The following FER1L6 variants were observed in gnomAD, a reference collection of about 807,000 sequenced individuals.
FER1L6 encodes fer-1 like family member 6.
A neutral mutation model predicts 219.2 loss-of-function variants in FER1L6; 177 were observed. The ratio of observed to expected loss-of-function variants is 0.81; its 90% CI spans 0.71 to 0.91. The LOEUF (loss-of-function observed/expected upper bound fraction) is 0.91. Ranked by LOEUF, FER1L6 falls within the 40% of genes least tolerant of loss-of-function variation. The pLI is 0.00. For missense variants in FER1L6, 2,153 were observed against 2,259.9 expected (o/e 0.95, Z 0.96); for synonymous variants, 768 against 824.3 (o/e 0.93, Z 1.17).
intron 1 of FER1L6, among the ~76,000 whole-genome samples, chr8:123,903,432 G>A (rs901419153): frequency 6.6e-6 from 1 of 152,172 alleles, no homozygotes; most frequent in Non-Finnish European, 1.5e-5. Context: ...AGGTTCACTT[G>A]ATGAATCTGA....
At chr8:123,927,898 G>C (rs1482367363) in intron 1 of FER1L6, among the ~76,000 whole-genome samples, 2 of 152,074 alleles carry the variant, frequency 1.3e-5, no homozygotes, top group Non-Finnish European at 2.9e-5. Context: ...TTATTGTCTG[G>C]CGATTTCTTT....
intron 1 of FER1L6, among the ~76,000 whole-genome samples, chr8:123,899,319 A>G (rs1812818282): frequency 6.6e-6 from 1 of 151,950 alleles, no homozygotes; most frequent in Non-Finnish European, 1.5e-5. Flanking sequence ...AGAATTGTCT[A>G]TTCATGCCCT....
At chr8:124,080,253 C>G (rs769497710) in intron 32 of FER1L6, among the ~76,000 whole-genome samples, 36 of 152,204 alleles carry the variant, frequency 2.4e-4, no homozygotes, top group Non-Finnish European at 4.0e-4. Context: ...ACCTCATTGA[C>G]ACAAGTTGGT....
At chr8:124,063,155 TTTTC>T (rs1404494364) in intron 25 of FER1L6, among the ~76,000 whole-genome samples, 1 of 152,222 alleles carries the variant, frequency 6.6e-6, no homozygotes, top group Admixed American at 6.5e-5. Flanking sequence ...TGTGCTTTAA[TTTTC>T]TTTTTGATTC....
rs71289634 is a variant in FER1L6 at position 124,015,607 on chromosome 8, A to ATATATATATATATATATATATG, written c.1923-2012_1923-2011insATATATATATATGTATATATAT. Among the ~76,000 whole-genome samples the ATATATATATATATATATATATG allele has an allele frequency of 1.4e-4, 12 of 88,606 alleles. 1 individual carries two copies. Among genetic ancestry groups the ATATATATATATATATATATATG allele is most frequent in the South Asian group, 7.4e-4 (2 of 2,706 alleles). 58.1% of individuals were successfully genotyped at this position (88,606 alleles called of 152,430 possible). A position where few individuals can be genotyped will look rare whatever the true frequency, so the allele number is the denominator to read the frequency against. On this transcript the variant is annotated intron_variant, in intron 15 of 40. Coordinates refer to ENST00000522917, the MANE Select transcript of FER1L6 (RefSeq NM_001039112.2). ...TATATATATATATATATATATATAT[A>ATATATATATATATATATATATG]TATATATATTACTCCTGCTGTGAGC... is the stretch of plus-strand genomic sequence containing the variant.
chr8:124,060,481 A>G (rs1488273228), intron 23 of FER1L6, 67 bp from the exon 24 acceptor site: 24 of 1,588,624 alleles, frequency 1.5e-5, no homozygotes, highest in Non-Finnish European at 2.0e-5. Flanking sequence ...TTTTCCACAC[A>G]GAGCCAGGGC....
chr8:124,079,957 G>A (rs1009941614), intron 32 of FER1L6, among the ~76,000 whole-genome samples: 4 of 152,262 alleles, frequency 2.6e-5, no homozygotes, highest in South Asian at 2.1e-4. Context: ...CCATAACTCT[G>A]TTGGAGCTCC....
chr8:124,005,606 G>A (rs1817622506), intron 13 of FER1L6, among the ~76,000 whole-genome samples: 1 of 152,206 alleles, frequency 6.6e-6, no homozygotes, highest in South Asian at 2.1e-4. Flanking sequence ...GTTAAACTGG[G>A]AGCATGTTGA....
rs141651371 is a variant in FER1L6, at chr8:123,896,423, G to A, written c.-8+44238G>A. ...GAACACATGGAATTTATTTCCTTAC[G>A]GTATTTGCATGTGTAACTCACAAGA... is the stretch of plus-strand genomic sequence containing the variant. On this transcript the variant is annotated intron_variant, in intron 1 of 40. Transcript: ENST00000522917. Among the ~76,000 whole-genome samples the A allele has an allele frequency of 4.6e-5, 7 of 152,262 alleles. No individual in the cohort carries two copies. In the East Asian group the frequency reaches 5.8e-4, roughly 13 times the overall value.
chr8:124,110,889 C>G (rs921394356), intron 39 of FER1L6, among the ~76,000 whole-genome samples: 5 of 152,044 alleles, frequency 3.3e-5, no homozygotes, highest in African/African-American at 1.2e-4. Flanking sequence ...CAGTGCCCCC[C>G]CTCCCCTCCA....
Position 124,103,243 on chromosome 8 carries a change from G to C in FER1L6, c.5223G>C (p.Lys1741Asn). Residue 1741 changes from lysine to asparagine, a missense_variant, in exon 39 of 41, where the codon AAG becomes AAC. Transcript: ENST00000522917. ...TTGAAAATGCAAGTGAGGAGACCAA[G>C]ATCTCTATATTCCAGCAAAAACGTG... is the stretch of plus-strand genomic sequence containing the variant. Reference protein sequence around the residue: ...AKFENASEETKISIFQQKRVR... With the variant: ...AKFENASEETNISIFQQKRVR... 6.2e-7 allele frequency: 1 copy of C among 1,614,140 alleles called. No individual in the cohort carries two copies. The highest frequency in any genetic ancestry group is 8.5e-7 in the Non-Finnish European group (1 of 1,180,018).
intron 1 of FER1L6, among the ~76,000 whole-genome samples, chr8:123,866,048 G>C (rs191436987): frequency 6.6e-6 from 1 of 151,758 alleles, no homozygotes; most frequent in East Asian, 1.9e-4. Flanking sequence ...TGGACATTTG[G>C]GTTGGTTCCA....
chr8:123,919,163 G>A (rs866514801), intron 1 of FER1L6, among the ~76,000 whole-genome samples: 1 of 152,332 alleles, frequency 6.6e-6, no homozygotes, highest in Middle Eastern at 3.4e-3. Flanking sequence ...GCAGTGGAGA[G>A]GCTGGAGGCC....
chr8:123,871,213 G>A (rs1816919192), intron 1 of FER1L6, among the ~76,000 whole-genome samples: 1 of 152,150 alleles, frequency 6.6e-6, no homozygotes. Context: ...ATTTGTGTAT[G>A]TATTCATAGG....
At chr8:124,058,572 C>G (rs1321285469) in intron 22 of FER1L6, among the ~76,000 whole-genome samples, 1 of 152,180 alleles carries the variant, frequency 6.6e-6, no homozygotes, top group Non-Finnish European at 1.5e-5. Context: ...GAGCTCTTAA[C>G]AGCATTTTTC....
At chr8:124,063,088 G>A (rs1038010115) in intron 25 of FER1L6, among the ~76,000 whole-genome samples, 3 of 152,068 alleles carry the variant, frequency 2.0e-5, no homozygotes, top group African/African-American at 7.2e-5. Context: ...TCATACCCTT[G>A]CTGCCATATT....
At chr8:123,967,250 T>C (rs1815588635) in intron 5 of FER1L6, among the ~76,000 whole-genome samples, 1 of 152,184 alleles carries the variant, frequency 6.6e-6, no homozygotes, top group Non-Finnish European at 1.5e-5. Flanking sequence ...TCCAGAGATA[T>C]TCCAAACATG....
At chr8:123,890,625 A>ATTT (rs59914385) in intron 1 of FER1L6, among the ~76,000 whole-genome samples, 3,209 of 91,346 alleles carry the variant, frequency 0.035, 329 homozygotes, top group African/African-American at 0.12. Flanking sequence ...TAAAAATTTG[A>ATTT]TTTTTTTTTT....
chr8:124,065,557 C>T (rs1008288951), intron 26 of FER1L6, among the ~76,000 whole-genome samples: 3 of 152,120 alleles, frequency 2.0e-5, no homozygotes, highest in African/African-American at 7.2e-5. Flanking sequence ...CTCTGTGACG[C>T]CTTACCAGGT....
Sources: gnomAD v4.1 joint callset for allele counts (sites outside exome capture counted in the v4.1 genomes callset) on GRCh38, gnomAD v4.1.1 for gene constraint, MANE v1.5 for transcripts, NCBI Gene and HGNC (gene_info 2026-07-23, HGNC 2026-07-21) for gene names.